The following NFKB1 variants were observed in gnomAD, a reference collection of about 807,000 sequenced individuals.
The protein encoded by NFKB1 is nuclear factor NF-kappa-B p105 subunit.
In NFKB1, 9 loss-of-function variants were observed where a neutral mutation model predicts 105.1. That is an observed-to-expected ratio of 0.09 (90% CI 0.05 to 0.15). The LOEUF (loss-of-function observed/expected upper bound fraction) is 0.15. Ranked by LOEUF, NFKB1 falls within the 10% of genes least tolerant of loss-of-function variation. The probability of loss-of-function intolerance (pLI) is 1.00; values close to 1 mark genes in which losing one functional copy is unlikely to be tolerated. For missense variants in NFKB1, 830 were observed against 1,203.7 expected (o/e 0.69, Z 4.59); for synonymous variants, 440 against 442.2 (o/e 1.00, Z 0.06).
intron 14 of NFKB1, 91 bp from the exon 15 acceptor site, chr4:102,597,429 C>A: frequency 1.5e-6 from 2 of 1,316,266 alleles, no homozygotes; most frequent in Non-Finnish European, 1.0e-6. Flanking sequence ...GGTGTCAGAA[C>A]ACTGATGCTG....
At chr4:102,532,726 A>G (rs1030195246) in intron 3 of NFKB1, among the ~76,000 whole-genome samples, 2 of 152,210 alleles carry the variant, frequency 1.3e-5, no homozygotes, top group Non-Finnish European at 1.5e-5. Flanking sequence ...TTTATTTAAA[A>G]TAAGAGGTCT....
chr4:102,550,660 G>C (rs1229964105), intron 5 of NFKB1, among the ~76,000 whole-genome samples: 1 of 152,124 alleles, frequency 6.6e-6, no homozygotes, highest in East Asian at 1.9e-4. Context: ...TTTTAGAATG[G>C]CTATACCAAT....
chr4:102,615,314 A>C (rs574116643), intron 23 of NFKB1, among the ~76,000 whole-genome samples: 1 of 152,044 alleles, frequency 6.6e-6, no homozygotes, highest in African/African-American at 2.4e-5. Context: ...CTGCGCCTCC[A>C]TTCCCAAGTG....
Position 102,509,356 on chromosome 4 carries a change from G to T in NFKB1, c.-8+7568G>T, listed in dbSNP as rs1013461392. The stretch of plus-strand genomic sequence containing the variant: ...ACCCTGCAGTTACAATTCTTTTTTT[G>T]TGATGGGTGGGGAAGTATCCCATTT... On this transcript the variant is annotated intron_variant, in intron 1 of 23. Transcript: ENST00000226574. Among the ~76,000 whole-genome samples the T allele has an allele frequency of 2.0e-5, 3 of 151,882 alleles. No homozygotes were observed. The East Asian group carries it at 5.8e-4, about 29-fold the overall frequency.
rs1740860771 is a variant in NFKB1 at position 102,525,641 on chromosome 4, A to C, written c.39+84A>C. 4.1e-6 allele frequency: 5 copies of C among 1,233,736 alleles called. No homozygotes were observed. In the Middle Eastern group the frequency reaches 7.0e-4, roughly 173 times the overall value. The allele number at this position is 1,233,736 out of a possible 1,614,324, so 76.4% of individuals were successfully genotyped here. On this transcript the variant is annotated intron_variant, in intron 2 of 23. Transcript: ENST00000226574. ...GCAAAGGCAACATTAGTAAGTTAGCATTAGGAAAATTCTAAAATTAGTAAA... is the reference window on the plus strand; with the variant it reads ...GCAAAGGCAACATTAGTAAGTTAGCCTTAGGAAAATTCTAAAATTAGTAAA...
rs545801331 is a variant in NFKB1, at chr4:102,555,579, C to T, written c.259-11408C>T. Among the ~76,000 whole-genome samples, 3 of 152,122 alleles carry T rather than the reference C, an allele frequency of 2.0e-5. No individual in the cohort carries two copies. In the South Asian group the frequency reaches 6.2e-4, roughly 32 times the overall value. On this transcript the variant is annotated intron_variant, in intron 5 of 23. Transcript: ENST00000226574. ...AATGTAAAGATAAATTTCTAAGAGT[C>T]GGCTAGTTGGGATGATTATAGAAGG...
At chr4:102,555,792 A>C (rs546577039) in intron 5 of NFKB1, among the ~76,000 whole-genome samples, 1 of 152,356 alleles carries the variant, frequency 6.6e-6, no homozygotes, top group Admixed American at 6.5e-5. Context: ...AGGCCAAATC[A>C]TGCAAGGATT....
intron 15 of NFKB1, among the ~76,000 whole-genome samples, chr4:102,599,599 A>G (rs1726956167): frequency 6.6e-6 from 1 of 152,194 alleles, no homozygotes. Flanking sequence ...AACAGTGCAC[A>G]TGTATCCCCT....
chr4:102,612,050 G>T lies in NFKB1; in HGVS notation c.2359G>T (p.Asp787Tyr). 1 of 1,613,618 alleles carries T rather than the reference G, an allele frequency of 6.2e-7. No homozygotes were observed. The highest frequency in any genetic ancestry group is 1.1e-5 in the South Asian group (1 of 91,034). The change falls in exon 21 of 24, where the codon GAC (aspartate) becomes TAC (tyrosine). Residue 787 changes from aspartate (D) to tyrosine (Y), a missense_variant. Coordinates refer to ENST00000226574, the MANE Select transcript of NFKB1 (RefSeq NM_003998.4). ...LDMATSWQVF[D>Y]ILNGKPYEPE... The stretch of plus-strand genomic sequence containing the variant: ...GTGTTTTTCTTTCCAACAGGTATTT[G>T]ACATATTAAATGGGAAACCATATGA...
chr4:102,501,572 G>C lies in NFKB1; in HGVS notation c.-224G>C, dbSNP rs1308967722. On this transcript the variant is annotated 5_prime_UTR_variant, in exon 1 of 24. Transcript: ENST00000226574. Reference sequence around the variant, plus strand: ...AAGGCGGCGCCGCCGCCCGGCCACCGCGCGCCCTGCGCTTCCCTCCGCCCG... The same window carrying C: ...AAGGCGGCGCCGCCGCCCGGCCACCCCGCGCCCTGCGCTTCCCTCCGCCCG... 2 of 146,802 alleles carry C rather than the reference G, an allele frequency of 1.4e-5. No homozygotes were observed. Among genetic ancestry groups the C allele is most frequent in the Non-Finnish European group, 3.0e-5 (2 of 66,058 alleles). The allele number at this position is 146,802 out of a possible 1,614,324, so 9.1% of individuals were successfully genotyped here. A position where few individuals can be genotyped will look rare whatever the true frequency, so the allele number is the denominator to read the frequency against.
chr4:102,570,160 A>G (rs772847774), intron 6 of NFKB1, among the ~76,000 whole-genome samples: 3 of 152,168 alleles, frequency 2.0e-5, no homozygotes, highest in Non-Finnish European at 2.9e-5. Flanking sequence ...ATTAATACAT[A>G]TAGCATATAC....
chr4:102,602,495 C>T (rs990281042), intron 16 of NFKB1, among the ~76,000 whole-genome samples: 57 of 150,792 alleles, frequency 3.8e-4, no homozygotes, highest in Non-Finnish European at 3.1e-4. Flanking sequence ...GGCGAGATCG[C>T]GCCACTGCAC....
chr4:102,579,641 A>G (rs1725159219), intron 8 of NFKB1, among the ~76,000 whole-genome samples: 1 of 97,858 alleles, frequency 1.0e-5, no homozygotes, highest in African/African-American at 4.5e-5. Flanking sequence ...CATCTCAAAA[A>G]AAAAAATATA....
chr4:102,577,171 A>T, intron 7 of NFKB1, 132 bp downstream of exon 7: 1 of 901,760 alleles, frequency 1.1e-6, no homozygotes, highest in South Asian at 2.1e-5. Context: ...CTTGCTCAGA[A>T]ACCTTTGATG....
chr4:102,537,308 C>T (rs1372220799), intron 4 of NFKB1, among the ~76,000 whole-genome samples: 2 of 152,142 alleles, frequency 1.3e-5, no homozygotes, highest in Non-Finnish European at 2.9e-5. Context: ...AAATCTTATC[C>T]TCTGAAATGC....
At chr4:102,578,495 C>T (rs369142976) in intron 7 of NFKB1, 3 of 224,950 alleles carry the variant, frequency 1.3e-5, no homozygotes, top group African/African-American at 6.8e-5. Flanking sequence ...CCAAGCAGCT[C>T]TTGGAATAAT....
chr4:102,590,836 T>C (rs1329004810), intron 11 of NFKB1, among the ~76,000 whole-genome samples: 1 of 152,110 alleles, frequency 6.6e-6, no homozygotes, highest in African/African-American at 2.4e-5. Flanking sequence ...ATGATTAAGC[T>C]TAGTGAGGAA....
Position 102,582,974 on chromosome 4 carries a change from T to A in NFKB1, c.927+17T>A. 1.3e-6 allele frequency: 2 copies of A among 1,522,230 alleles called. No homozygotes were observed. Among genetic ancestry groups the A allele is most frequent in the Non-Finnish European group, 1.8e-6 (2 of 1,100,488 alleles). The allele number at this position is 1,522,230 out of a possible 1,614,324, so 94.3% of individuals were successfully genotyped here. ...CATAGACAAGTAAGTGATTTATTATTATTATTAATCCTTATTATTTTTAGA... is the reference window on the plus strand; with the variant it reads ...CATAGACAAGTAAGTGATTTATTATAATTATTAATCCTTATTATTTTTAGA... On this transcript the variant is annotated intron_variant, in intron 10 of 23. Coordinates refer to ENST00000226574, the MANE Select transcript of NFKB1 (RefSeq NM_003998.4).
chr4:102,591,381 C>T (rs2149200883), intron 11 of NFKB1, among the ~76,000 whole-genome samples: 1 of 148,462 alleles, frequency 6.7e-6, no homozygotes, highest in Admixed American at 6.8e-5. Flanking sequence ...AATTGCACCA[C>T]TGCACTCCAG....
Sources: gnomAD v4.1 joint callset for allele counts (sites outside exome capture counted in the v4.1 genomes callset) on GRCh38, gnomAD v4.1.1 for gene constraint, MANE v1.5 for transcripts, NCBI Gene and HGNC (gene_info 2026-07-23, HGNC 2026-07-21) for gene names.